VRK2: variants seen among roughly 807,000 people sequenced by gnomAD.
The protein encoded by VRK2 is VRK serine/threonine kinase 2.
VRK2 carries 60 observed loss-of-function variants against 57.6 expected under a neutral mutation model. The observed-to-expected ratio is 1.04, with a 90% CI of 0.85 to 1.29. The LOEUF (loss-of-function observed/expected upper bound fraction) is 1.29. VRK2 is among the 50% of genes most tolerant of loss of function. The probability of loss-of-function intolerance (pLI) is 0.00; values close to 1 mark genes in which losing one functional copy is unlikely to be tolerated. For synonymous variants in VRK2, 231 were observed against 199.2 expected (o/e 1.16, Z -1.35); for missense variants, 705 against 588.1 (o/e 1.20, Z -2.06).
intron 1 of VRK2, among the ~76,000 whole-genome samples, chr2:57,937,230 GGGACCTA>G (rs1670942995): frequency 6.6e-6 from 1 of 152,130 alleles, no homozygotes; most frequent in Non-Finnish European, 1.5e-5. Context: ...CATTGCTTTG[GGGACCTA>G]GGATACCCCA....
chr2:58,131,069 G>A (rs368325980), intron 8 of VRK2, among the ~76,000 whole-genome samples: 3 of 151,676 alleles, frequency 2.0e-5, no homozygotes, highest in Non-Finnish European at 4.4e-5. Flanking sequence ...TTAGGAAAAG[G>A]CATCTTATTC....
At chr2:58,134,841 G>T (rs2104559228) in intron 9 of VRK2, among the ~76,000 whole-genome samples, 1 of 152,212 alleles carries the variant, frequency 6.6e-6, no homozygotes, top group South Asian at 2.1e-4. Context: ...ACTTTCTCCT[G>T]TTAACTGGTC....
At chr2:58,037,870 C>T (rs1674325380) in intron 3 of VRK2, among the ~76,000 whole-genome samples, 1 of 152,132 alleles carries the variant, frequency 6.6e-6, no homozygotes, top group South Asian at 2.1e-4. Flanking sequence ...CTTAACCTTA[C>T]TAGTAATCAG....
rs543534660 is a variant in VRK2 at position 57,952,885 on chromosome 2, C to A, written c.-439+45046C>A. 1.1e-3 allele frequency among the ~76,000 whole-genome samples: 170 copies of A among 152,208 alleles called. 1 individual carries two copies. The highest frequency in any genetic ancestry group is 3.9e-3 in the African/African-American group (163 of 41,552). ...ATGGATTTGACTGTGGATGTGCCAC[C>A]CTCACTTTTTCTGACAACCTGGGCC... is the stretch of plus-strand genomic sequence containing the variant. On this transcript the variant is annotated intron_variant, in intron 1 of 15. Transcript: ENST00000417641.
At chr2:57,999,623 G>C (rs992882400) in intron 1 of VRK2, among the ~76,000 whole-genome samples, 2 of 152,102 alleles carry the variant, frequency 1.3e-5, no homozygotes, top group Non-Finnish European at 2.9e-5. Context: ...ACTGAAGCCT[G>C]TATGTTATTT....
intron 11 of VRK2, among the ~76,000 whole-genome samples, chr2:58,145,986 T>C (rs1287790412): frequency 6.6e-6 from 1 of 152,068 alleles, no homozygotes; most frequent in Non-Finnish European, 1.5e-5. Flanking sequence ...TATTCCATGG[T>C]GTATATGTGC....
At chr2:58,137,917 C>T (rs187164400) in intron 10 of VRK2, among the ~76,000 whole-genome samples, 34 of 152,066 alleles carry the variant, frequency 2.2e-4, no homozygotes, top group African/African-American at 7.0e-4. Flanking sequence ...ACAATATCTA[C>T]GCTTCAGGTT....
At chr2:58,058,356 A>G (rs1254360398) in intron 2 of VRK2, 1 of 470,652 alleles carries the variant, frequency 2.1e-6, no homozygotes, top group Admixed American at 2.4e-5. Flanking sequence ...CCCCAGAGAC[A>G]CTGGCCATTT....
chr2:58,095,649 A>G (rs1285006847), intron 7 of VRK2, among the ~76,000 whole-genome samples: 1 of 152,062 alleles, frequency 6.6e-6, no homozygotes, highest in Admixed American at 6.5e-5. Context: ...TTTGTGGTTC[A>G]GAGTGGTTTT....
At chr2:57,934,772 T>C (rs1209853678) in intron 1 of VRK2, among the ~76,000 whole-genome samples, 1 of 152,168 alleles carries the variant, frequency 6.6e-6, no homozygotes, top group Non-Finnish European at 1.5e-5. Flanking sequence ...TTCTTTTTTT[T>C]CTTTTTTCTC....
intron 1 of VRK2, among the ~76,000 whole-genome samples, chr2:57,916,791 G>T (rs1340581540): frequency 6.6e-6 from 1 of 152,078 alleles, no homozygotes; most frequent in African/African-American, 2.4e-5. Flanking sequence ...TGACTGTCTG[G>T]CTCTGAAATT....
At chr2:58,040,961 G>T in intron 3 of VRK2, 1 of 855,304 alleles carries the variant, frequency 1.2e-6, no homozygotes. Flanking sequence ...CTCTGAAGGT[G>T]TCAACTCTAT....
At chr2:58,038,431 G>A (rs1287189427) in intron 3 of VRK2, among the ~76,000 whole-genome samples, 2 of 152,078 alleles carry the variant, frequency 1.3e-5, no homozygotes, top group African/African-American at 4.8e-5. Context: ...AGCACACACA[G>A]GAAGAACTTT....
chr2:57,951,434 A>G (rs1671424990), intron 1 of VRK2, among the ~76,000 whole-genome samples: 1 of 152,240 alleles, frequency 6.6e-6, no homozygotes, highest in African/African-American at 2.4e-5. Context: ...ACAACAAAAG[A>G]TTTAGAATAT....
chr2:58,070,830 G>A (rs1279510191), intron 2 of VRK2, among the ~76,000 whole-genome samples: 3 of 152,152 alleles, frequency 2.0e-5, no homozygotes, highest in Non-Finnish European at 2.9e-5. Flanking sequence ...AAATACCCAG[G>A]AGTGCAGTTC....
At chr2:57,961,398 C>T (rs1037077212) in intron 1 of VRK2, among the ~76,000 whole-genome samples, 1 of 152,058 alleles carries the variant, frequency 6.6e-6, no homozygotes, top group East Asian at 1.9e-4. Context: ...AAAGCGAGAA[C>T]AGGATGATGA....
At chr2:57,982,488 A>C (rs1672452615) in intron 1 of VRK2, among the ~76,000 whole-genome samples, 1 of 152,084 alleles carries the variant, frequency 6.6e-6, no homozygotes, top group Non-Finnish European at 1.5e-5. Context: ...GGTGCTTGCC[A>C]GTGGGGGAAG....
Position 57,946,983 on chromosome 2 carries a change from A to T in VRK2, c.-439+39144A>T, listed in dbSNP as rs547204313. 1.2e-4 allele frequency among the ~76,000 whole-genome samples: 19 copies of T among 152,228 alleles called. No homozygotes were observed. The East Asian group carries it at 1.3e-3, about 11-fold the overall frequency. On this transcript the variant is annotated intron_variant, in intron 1 of 15. Coordinates refer to the VRK2 transcript ENST00000417641. ...AAGAGCAGAAGATATGCCAAAAAAA[A>T]TTTTTTGTCCATCTTAATTATATTT...
intron 10 of VRK2, among the ~76,000 whole-genome samples, chr2:58,136,595 GGCCTGGT>G (rs1277873478): frequency 1.3e-5 from 2 of 151,474 alleles, no homozygotes; most frequent in Non-Finnish European, 2.9e-5. Flanking sequence ...ATATTGGCCA[GGCCTGGT>G]CTCAAACTCC....
Sources: gnomAD v4.1 joint callset for allele counts (sites outside exome capture counted in the v4.1 genomes callset) on GRCh38, gnomAD v4.1.1 for gene constraint, MANE v1.5 for transcripts, NCBI Gene and HGNC (gene_info 2026-07-23, HGNC 2026-07-21) for gene names.